The following SMYD3 variants were observed in gnomAD, a reference collection of about 807,000 sequenced individuals.
The protein encoded by SMYD3 is histone-lysine N-methyltransferase SMYD3.
SMYD3 carries 36 observed loss-of-function variants against 57.7 expected under a neutral mutation model. That is an observed-to-expected ratio of 0.62 (90% confidence interval 0.48 to 0.82). The LOEUF (loss-of-function observed/expected upper bound fraction) is 0.82, where lower values mean the gene tolerates loss of function less well. Among genes scored for constraint, SMYD3 ranks in the 40% least tolerant of loss-of-function variants. The pLI, the probability that SMYD3 is intolerant of heterozygous loss-of-function variation, is 0.00. For missense variants in SMYD3, 515 were observed against 538.8 expected (o/e 0.96, Z 0.44); for synonymous variants, 211 against 195.0 (o/e 1.08, Z -0.68).
At chr1:245,785,345 T>G (rs1479865252) in intron 10 of SMYD3, among the ~76,000 whole-genome samples, 4 of 152,118 alleles carry the variant, frequency 2.6e-5, no homozygotes, top group Non-Finnish European at 5.9e-5. Context: ...AATTTCCACT[T>G]TATCCAGGTA....
chr1:246,138,582 C>T lies in SMYD3; in HGVS notation c.531+188619G>A, dbSNP rs1389353612. 6.2e-5 allele frequency among the ~76,000 whole-genome samples: 7 copies of T among 113,040 alleles called. 2 individuals are homozygous for T. The highest frequency in any genetic ancestry group is 1.0e-4 in the African/African-American group (4 of 39,082). 74.2% of individuals were successfully genotyped at this position (113,040 alleles called of 152,430 possible). ...CTGGGACTGCAGGCTCCCGCCACCA[C>T]GCCCGGCTAATTTTTTGTATTTTTA... On this transcript the variant is annotated intron_variant, in intron 5 of 11. Transcript: ENST00000490107.
Position 245,928,003 on chromosome 1 carries a change from G to T in SMYD3, c.630C>A (p.Pro210=). 1 of 1,612,606 alleles carries T rather than the reference G, an allele frequency of 6.2e-7. No homozygotes were observed. Among genetic ancestry groups the T allele is most frequent in the Non-Finnish European group, 8.5e-7 (1 of 1,179,096 alleles). Residue 210 remains proline (P), a synonymous_variant, in exon 7 of 12, where the codon CCC becomes CCA. Transcript: ENST00000490107. ...SISLLNHSCD[P]NCSIVFNGPH... is the part of the protein sequence containing the mutation. ...GCCCATTGAACACAATCGAACAGTT[G>T]GGGTCACAGCTGTGATTGAGCAAAG...
chr1:246,338,410 G>A (rs2065578664), intron 2 of SMYD3, among the ~76,000 whole-genome samples: 1 of 152,166 alleles, frequency 6.6e-6, no homozygotes, highest in South Asian at 2.1e-4. Flanking sequence ...TGACACATTT[G>A]TCATATATAT....
chr1:246,327,341 T>TCTC lies in SMYD3; in HGVS notation c.395-5_395-4insGAG, dbSNP rs2065373262. ...TCTTCAGTCAGTTTGTTAATATCTTTTTTAAAGAGAAAATAAATAGCACAA... is the reference window on the plus strand; with the variant it reads ...TCTTCAGTCAGTTTGTTAATATCTTTCTCTTTAAAGAGAAAATAAATAGCACAA... On this transcript the variant is annotated splice_region_variant and splice_polypyrimidine_tract_variant and intron_variant, in intron 4 of 11. Coordinates refer to ENST00000490107, the MANE Select transcript of SMYD3 (RefSeq NM_001167740.2). 1 of 1,606,038 alleles carries TCTC rather than the reference T, an allele frequency of 6.2e-7. No homozygotes were observed. The highest frequency in any genetic ancestry group is 1.3e-5 in the African/African-American group (1 of 74,260).
chr1:246,277,084 G>T (rs2148561359), intron 5 of SMYD3, among the ~76,000 whole-genome samples: 1 of 152,258 alleles, frequency 6.6e-6, no homozygotes, highest in Non-Finnish European at 1.5e-5. Context: ...TTAGCACATG[G>T]TAAATAATAT....
chr1:246,501,268 C>T (rs2068452322), intron 1 of SMYD3, among the ~76,000 whole-genome samples: 1 of 152,208 alleles, frequency 6.6e-6, no homozygotes, highest in Non-Finnish European at 1.5e-5. Context: ...TTCTACTCTA[C>T]TGACCCTTAA....
intron 7 of SMYD3, among the ~76,000 whole-genome samples, chr1:245,920,193 G>A (rs535745000): frequency 2.8e-4 from 42 of 151,996 alleles, no homozygotes; most frequent in Admixed American, 1.6e-3. Flanking sequence ...GGCGCCTGTA[G>A]TCCCAGCTAC....
chr1:246,040,503 C>G (rs1190816080), intron 5 of SMYD3, among the ~76,000 whole-genome samples: 1 of 152,142 alleles, frequency 6.6e-6, no homozygotes, highest in African/African-American at 2.4e-5. Flanking sequence ...ACTGCTTTCT[C>G]GTAGGAATTT....
chr1:245,973,653 C>A (rs1002941093), intron 5 of SMYD3, among the ~76,000 whole-genome samples: 1 of 152,192 alleles, frequency 6.6e-6, no homozygotes. Context: ...TTCTAGTGCA[C>A]CCATCAGTTG....
At chr1:245,994,322 T>C (rs546252430) in intron 5 of SMYD3, among the ~76,000 whole-genome samples, 30 of 152,318 alleles carry the variant, frequency 2.0e-4, no homozygotes, top group African/African-American at 6.7e-4. Flanking sequence ...CCTGTGTGTT[T>C]TGAGAGTCAG....
chr1:246,440,782 C>A (rs532470156), intron 1 of SMYD3, among the ~76,000 whole-genome samples: 1 of 152,234 alleles, frequency 6.6e-6, no homozygotes, highest in Non-Finnish European at 1.5e-5. Context: ...GATACAAGTT[C>A]ACAAAATCCC....
chr1:246,022,883 A>G lies in SMYD3; in HGVS notation c.532-92946T>C, dbSNP rs2059497304. ...CACAACAGTAAATAGCAAAAATAGC[A>G]ACCTTAACTCTAGATTTTCTTATCT... On this transcript the variant is annotated intron_variant, in intron 5 of 11. Transcript: ENST00000490107. 2.0e-5 allele frequency among the ~76,000 whole-genome samples: 3 copies of G among 152,246 alleles called. No homozygotes were observed. The South Asian group carries it at 6.2e-4, about 31-fold the overall frequency.
At chr1:246,164,814 A>G (rs1329487238) in intron 5 of SMYD3, among the ~76,000 whole-genome samples, 1 of 152,250 alleles carries the variant, frequency 6.6e-6, no homozygotes, top group Non-Finnish European at 1.5e-5. Flanking sequence ...CATGGAAAAC[A>G]TCTATTTATC....
At chr1:246,233,428 G>A (rs1298768152) in intron 5 of SMYD3, among the ~76,000 whole-genome samples, 3 of 125,638 alleles carry the variant, frequency 2.4e-5, no homozygotes, top group African/African-American at 9.3e-5. Flanking sequence ...ATACCACACA[G>A]AGGAGAAGCA....
intron 5 of SMYD3, among the ~76,000 whole-genome samples, chr1:246,314,890 A>G (rs1262673478): frequency 1.3e-5 from 2 of 152,226 alleles, no homozygotes; most frequent in Non-Finnish European, 2.9e-5. Context: ...AGGCTTCAAT[A>G]TAAGAAACAG....
chr1:245,939,442 G>A (rs972923971), intron 5 of SMYD3, among the ~76,000 whole-genome samples: 4 of 152,062 alleles, frequency 2.6e-5, no homozygotes, highest in Non-Finnish European at 5.9e-5. Flanking sequence ...TGGCCAATAT[G>A]GTGAAACCCC....
intron 1 of SMYD3, among the ~76,000 whole-genome samples, chr1:246,372,167 C>A (rs1452995876): frequency 6.6e-6 from 1 of 152,156 alleles, no homozygotes. Context: ...AAATTCTCAT[C>A]GATTTTTATT....
At chr1:245,807,423 C>T (rs1223133501) in intron 10 of SMYD3, among the ~76,000 whole-genome samples, 1 of 152,158 alleles carries the variant, frequency 6.6e-6, no homozygotes, top group African/African-American at 2.4e-5. Context: ...AAGGGTCCAC[C>T]GAAGTCAGCC....
intron 5 of SMYD3, among the ~76,000 whole-genome samples, chr1:245,935,156 C>A (rs1024657954): frequency 6.6e-6 from 1 of 152,060 alleles, no homozygotes; most frequent in Admixed American, 6.5e-5. Context: ...AACCATACAA[C>A]GGATAAGAGG....
Sources: gnomAD v4.1 joint callset for allele counts (sites outside exome capture counted in the v4.1 genomes callset) on GRCh38, gnomAD v4.1.1 for gene constraint, MANE v1.5 for transcripts, NCBI Gene and HGNC (gene_info 2026-07-23, HGNC 2026-07-21) for gene names.